The following STX18 variants were observed in gnomAD, a reference collection of about 807,000 sequenced individuals.
The protein encoded by STX18 is syntaxin-18.
A neutral mutation model predicts 50.1 loss-of-function variants in STX18; 40 were observed. That is an observed-to-expected ratio of 0.80 (90% CI 0.62 to 1.04). The LOEUF (loss-of-function observed/expected upper bound fraction) is 1.04. STX18 is among the 50% of genes least tolerant of loss of function. The pLI, the probability that STX18 is intolerant of heterozygous loss-of-function variation, is 0.00. For missense variants in STX18, 410 were observed against 415.8 expected, an observed-to-expected ratio of 0.99 and a Z score of 0.12; for synonymous variants, 158 against 151.8, an observed-to-expected ratio of 1.04 and a Z score of -0.30.
chr4:4,531,911 C>A (rs192978802), intron 1 of STX18, among the ~76,000 whole-genome samples: 2 of 152,080 alleles, frequency 1.3e-5, no homozygotes, highest in Admixed American at 6.5e-5. Context: ...AAATTTGAAA[C>A]AAATTTGGTA....
chr4:4,540,253 C>T lies in STX18; in HGVS notation c.168+1544G>A, dbSNP rs191106959. ...AGTTGCAGGGTTCAGACAACAACCTCGTCTCTTGGCTCCTTCTCTGGTGCT... is the reference window on the plus strand; with the variant it reads ...AGTTGCAGGGTTCAGACAACAACCTTGTCTCTTGGCTCCTTCTCTGGTGCT... On this transcript the variant is annotated intron_variant, in intron 1 of 10. Transcript: ENST00000306200. Among the ~76,000 whole-genome samples the T allele has an allele frequency of 2.1e-3, 315 of 152,346 alleles. 1 individual carries two copies. Among genetic ancestry groups the T allele is most frequent in the African/African-American group, 7.1e-3 (296 of 41,572 alleles).
At chr4:4,461,746 C>T (rs938666892) in intron 2 of STX18, among the ~76,000 whole-genome samples, 5 of 152,268 alleles carry the variant, frequency 3.3e-5, no homozygotes, top group East Asian at 1.9e-4. Flanking sequence ...CCTGGGCTAC[C>T]GGGGGGAATG....
intron 1 of STX18, among the ~76,000 whole-genome samples, chr4:4,509,006 T>C (rs140945937): frequency 0.015 from 2,275 of 152,356 alleles, 24 homozygotes; most frequent in South Asian, 0.034. Context: ...CTATTGTGAA[T>C]AGTGCTGCAG....
intron 1 of STX18, among the ~76,000 whole-genome samples, chr4:4,522,759 C>T (rs1483276646): frequency 2.0e-5 from 3 of 152,098 alleles, no homozygotes; most frequent in African/African-American, 4.8e-5. Flanking sequence ...AATTAATCAT[C>T]AGTAGAAAAA....
At chr4:4,506,784 CACAAGTT>C (rs1184238011) in intron 1 of STX18, among the ~76,000 whole-genome samples, 1 of 152,170 alleles carries the variant, frequency 6.6e-6, no homozygotes, top group Non-Finnish European at 1.5e-5. Context: ...GAAGAATTCT[CACAAGTT>C]ATGTGAATGT....
intron 1 of STX18, among the ~76,000 whole-genome samples, chr4:4,499,863 CTTT>C (rs11404477): frequency 6.8e-6 from 1 of 148,082 alleles, no homozygotes; most frequent in Non-Finnish European, 1.5e-5. Flanking sequence ...TTCAAATCGA[CTTT>C]TTTTTTTTCA....
chr4:4,468,088 G>A (rs927627998), intron 2 of STX18, among the ~76,000 whole-genome samples: 1 of 152,220 alleles, frequency 6.6e-6, no homozygotes, highest in African/African-American at 2.4e-5. Flanking sequence ...ACTGGAATTA[G>A]ACAGGCTAGC....
At position 4,438,387 on chromosome 4, in the gene STX18, T is replaced by C. The variant is rs1270453725; in HGVS notation, c.613+7A>G. On this transcript the variant is annotated splice_region_variant and intron_variant, in intron 6 of 10. Coordinates refer to ENST00000306200, the MANE Select transcript of STX18 (RefSeq NM_016930.4). ...ATGCAAGGTGAGATTTTCATCTCAA[T>C]TCGTACCTGGACGTTCTTCAGTGGC... 3.1e-6 allele frequency: 5 copies of C among 1,603,340 alleles called. No individual in the cohort carries two copies. Among genetic ancestry groups the C allele is most frequent in the Admixed American group, 1.7e-5 (1 of 59,120 alleles).
chr4:4,542,182 A>G (rs1731647669), upstream of STX18: 2 of 527,568 alleles, frequency 3.8e-6, no homozygotes, highest in African/African-American at 4.0e-5. Flanking sequence ...GAACCTCGCG[A>G]CGCGCTCTCG....
intron 1 of STX18, among the ~76,000 whole-genome samples, chr4:4,508,372 G>A (rs996331727): frequency 1.3e-5 from 2 of 151,994 alleles, no homozygotes; most frequent in East Asian, 1.9e-4. Flanking sequence ...TTTCACTTGA[G>A]AGGATCCCAA....
intron 1 of STX18, among the ~76,000 whole-genome samples, chr4:4,476,981 C>G (rs1209136580): frequency 1.3e-5 from 2 of 152,096 alleles, no homozygotes; most frequent in Non-Finnish European, 2.9e-5. Context: ...GGGCGGGTCA[C>G]CTGAGGTCAG....
At chr4:4,438,657 G>A (rs903289374) in intron 5 of STX18, 148 bp from the exon 6 acceptor site, 24 of 624,268 alleles carry the variant, frequency 3.8e-5, no homozygotes, top group Non-Finnish European at 5.9e-5. Flanking sequence ...GTGGCCATCC[G>A]GACACACCTC....
intron 1 of STX18, among the ~76,000 whole-genome samples, chr4:4,505,667 T>C (rs1450778048): frequency 6.6e-6 from 1 of 151,180 alleles, no homozygotes; most frequent in Non-Finnish European, 1.5e-5. Flanking sequence ...TGCACATCTG[T>C]AATCCCAGCT....
At chr4:4,441,858 C>A (rs1726123928) in intron 5 of STX18, among the ~76,000 whole-genome samples, 1 of 152,132 alleles carries the variant, frequency 6.6e-6, no homozygotes, top group African/African-American at 2.4e-5. Context: ...GGGAAGGGCA[C>A]TGTTTGCAGT....
In STX18 at chr4:4,463,918, G is replaced by A. The variant is rs551480038; in HGVS notation, c.237-4431C>T. ...GCATAAAATTGCCTATGGATGTTAA[G>A]TGCAAGTAGACAAAGCATCAAGGAT... On this transcript the variant is annotated intron_variant, in intron 2 of 10. Transcript: ENST00000306200. Among the ~76,000 whole-genome samples, 5 of 152,220 alleles carry A rather than the reference G, an allele frequency of 3.3e-5. No individual in the cohort carries two copies. In the South Asian group the frequency reaches 8.3e-4, roughly 25 times the overall value.
chr4:4,430,992 T>C (rs1307880075), intron 7 of STX18, among the ~76,000 whole-genome samples: 1 of 152,160 alleles, frequency 6.6e-6, no homozygotes, highest in African/African-American at 2.4e-5. Flanking sequence ...TGATTACGAA[T>C]ATCCTCACTG....
In STX18 at chr4:4,420,081, C is replaced by T. The variant is rs762138993; in HGVS notation, c.961G>A (p.Val321Met). Residue 321 changes from valine to methionine, a missense_variant, in exon 11 of 11, where the codon GTG (valine) becomes ATG (methionine). Val to Met is a conservative substitution (Grantham distance 21). Transcript: ENST00000306200. The surrounding 1 kb of genome is among the most constrained non-coding windows in gnomAD (Gnocchi z 4.3). Reference protein sequence around the residue: ...GFRVWILFFLVMCSFSLLFLD... With the variant: ...GFRVWILFFLMMCSFSLLFLD... Reference sequence around the variant, plus strand: ...AAGAGCAAGGAGAAGGAGCACATCACGAGGAAGAAGAGGATCCACACGCGG... The same window carrying T: ...AAGAGCAAGGAGAAGGAGCACATCATGAGGAAGAAGAGGATCCACACGCGG... The T allele has an allele frequency of 1.5e-5, 24 of 1,613,358 alleles. No individual in the cohort carries two copies. The highest frequency in any genetic ancestry group is 1.1e-5 in the South Asian group (1 of 90,934).
At chr4:4,469,915 G>C (rs1381727272) in intron 2 of STX18, among the ~76,000 whole-genome samples, 5 of 152,126 alleles carry the variant, frequency 3.3e-5, no homozygotes, top group African/African-American at 1.2e-4. Flanking sequence ...ATGCCACCTC[G>C]ATGGGGCCTT....
rs538864689 is a variant in STX18 at position 4,476,993 on chromosome 4, A to G, written c.169-5287T>C. ...GGCGGGCGGGTCACCTGAGGTCAGG[A>G]GTTCAAGACCAGACTGGCCAACATG... On this transcript the variant is annotated intron_variant, in intron 1 of 10. Coordinates refer to ENST00000306200, the MANE Select transcript of STX18 (RefSeq NM_016930.4). Among the ~76,000 whole-genome samples, 181 of 152,318 alleles carry G rather than the reference A, an allele frequency of 1.2e-3. No individual in the cohort carries two copies. In the Middle Eastern group the frequency reaches 0.014, roughly 11 times the overall value.
Sources: allele counts gnomAD v4.1 joint callset (sites outside exome capture counted in the v4.1 genomes callset), GRCh38; gene constraint gnomAD v4.1.1; non-coding constraint Gnocchi (gnomAD v3.1); transcripts MANE v1.5; gene names NCBI Gene and HGNC (gene_info 2026-07-23, HGNC 2026-07-21).